The following PDE11A variants were observed in gnomAD, a reference collection of about 807,000 sequenced individuals.
PDE11A encodes the protein phosphodiesterase 11A.
PDE11A carries 100 observed loss-of-function variants against 100.5 expected under a neutral mutation model. The observed-to-expected ratio is 1.00, with a 90% CI of 0.85 to 1.18. The LOEUF (loss-of-function observed/expected upper bound fraction) is 1.18. PDE11A is among the 50% of genes most tolerant of loss of function. The pLI, the probability that PDE11A is intolerant of heterozygous loss-of-function variation, is 0.00. For synonymous variants in PDE11A, 381 were observed against 420.8 expected, an observed-to-expected ratio of 0.91 and a Z score of 1.16; for missense variants, 1,141 against 1,152.6, an observed-to-expected ratio of 0.99 and a Z score of 0.15.
intron 9 of PDE11A, among the ~76,000 whole-genome samples, chr2:177,794,579 C>G (rs1412388793): frequency 6.6e-6 from 1 of 151,990 alleles, no homozygotes. Context: ...ATAAAGGCAG[C>G]TTTCCCCTCA....
At chr2:177,957,085 A>C (rs1326656915) in intron 2 of PDE11A, among the ~76,000 whole-genome samples, 1 of 151,914 alleles carries the variant, frequency 6.6e-6, no homozygotes, top group African/African-American at 2.4e-5. Context: ...AAGAGCAAAA[A>C]AACAAAAAAA....
intron 9 of PDE11A, among the ~76,000 whole-genome samples, chr2:177,806,840 A>G (rs1464217271): frequency 6.6e-6 from 1 of 152,118 alleles, no homozygotes; most frequent in Non-Finnish European, 1.5e-5. Flanking sequence ...AACAGTTGGT[A>G]AGTTTCTGCA....
chr2:177,819,868 T>TCTCTCTCTCTCTCTCTC (rs60332687), intron 7 of PDE11A, among the ~76,000 whole-genome samples: 7 of 139,184 alleles, frequency 5.0e-5, no homozygotes, highest in African/African-American at 1.4e-4. Context: ...CTTTCTCTCT[T>TCTCTCTCTCTCTCTCTC]TCTCTCTCTC....
At chr2:177,953,301 T>G (rs181534449) in intron 2 of PDE11A, 1 of 152,070 alleles carries the variant, frequency 6.6e-6, no homozygotes, top group Non-Finnish European at 1.5e-5. Context: ...AAAAAGCCAA[T>G]GTAAAGATTA....
intron 12 of PDE11A, among the ~76,000 whole-genome samples, chr2:177,721,710 C>T (rs1441758820): frequency 6.6e-6 from 1 of 151,954 alleles, no homozygotes; most frequent in East Asian, 1.9e-4. Flanking sequence ...CAGTGAACTG[C>T]ATATAATATA....
chr2:177,768,953 G>A (rs527663748), intron 10 of PDE11A, among the ~76,000 whole-genome samples: 4 of 152,250 alleles, frequency 2.6e-5, no homozygotes, highest in Non-Finnish European at 4.4e-5. Flanking sequence ...TCCCAATCTC[G>A]TCACATATTT....
intron 19 of PDE11A, among the ~76,000 whole-genome samples, chr2:177,653,606 A>G (rs1559127574): frequency 6.6e-6 from 1 of 152,180 alleles, no homozygotes; most frequent in Non-Finnish European, 1.5e-5. Context: ...TTGTGTCTTT[A>G]TAAGAAGGTC....
intron 6 of PDE11A, among the ~76,000 whole-genome samples, chr2:177,830,601 A>AAATAATAATAATAATAAT (rs56365605): frequency 7.1e-6 from 1 of 140,032 alleles, no homozygotes; most frequent in African/African-American, 2.7e-5. Flanking sequence ...ACTCCATCTC[A>AAATAATAATAATAATAAT]AATAATAATA....
chr2:177,655,420 C>T (rs1057374687), intron 19 of PDE11A, among the ~76,000 whole-genome samples: 2 of 152,154 alleles, frequency 1.3e-5, no homozygotes, highest in African/African-American at 4.8e-5. Flanking sequence ...GATGCCTTCA[C>T]CTGCCAATTA....
intron 2 of PDE11A, among the ~76,000 whole-genome samples, chr2:178,087,663 C>G (rs1206115725): frequency 6.6e-6 from 1 of 152,146 alleles, no homozygotes; most frequent in Non-Finnish European, 1.5e-5. Flanking sequence ...TACCCTAAAG[C>G]TCTGACTTCA....
intron 3 of PDE11A, among the ~76,000 whole-genome samples, chr2:177,902,397 T>C (rs1346653281): frequency 2.0e-5 from 3 of 152,200 alleles, no homozygotes; most frequent in Admixed American, 1.3e-4. Context: ...ATAAACAGCC[T>C]TGTTGCTCAC....
chr2:177,645,951 CCTT>C (rs2080218908), intron 19 of PDE11A, among the ~76,000 whole-genome samples: 2 of 152,284 alleles, frequency 1.3e-5, no homozygotes, highest in South Asian at 2.1e-4. Context: ...AGTTTTATCT[CCTT>C]CTTTCTTTTC....
At chr2:177,987,422 T>C (rs1330006379) in intron 2 of PDE11A, among the ~76,000 whole-genome samples, 1 of 152,228 alleles carries the variant, frequency 6.6e-6, no homozygotes, top group African/African-American at 2.4e-5. Context: ...AGGGACGTTC[T>C]TATTGAAATG....
intron 3 of PDE11A, among the ~76,000 whole-genome samples, chr2:177,899,837 T>A (rs1260676847): frequency 6.6e-6 from 1 of 151,056 alleles, no homozygotes; most frequent in African/African-American, 2.4e-5. Context: ...GAGGAAATAC[T>A]GCTTTATCCC....
At chr2:177,996,091 G>T (rs1403086023) in intron 2 of PDE11A, among the ~76,000 whole-genome samples, 1 of 152,070 alleles carries the variant, frequency 6.6e-6, no homozygotes, top group African/African-American at 2.4e-5. Flanking sequence ...GCTGGGTGTG[G>T]TGGTGGGTGC....
intron 2 of PDE11A, among the ~76,000 whole-genome samples, chr2:177,992,132 A>G (rs971428439): frequency 2.6e-5 from 4 of 151,332 alleles, no homozygotes; most frequent in Admixed American, 6.6e-5. Context: ...GACAGTAGAG[A>G]TAAAAATAGC....
chr2:177,754,294 G>A (rs1176640737), intron 10 of PDE11A, among the ~76,000 whole-genome samples: 3 of 152,080 alleles, frequency 2.0e-5, no homozygotes, highest in Admixed American at 2.0e-4. Flanking sequence ...ATCTCCCTGA[G>A]TCTACATTCA....
At chr2:178,062,337 A>G (rs2086982879) in intron 1 of PDE11A, among the ~76,000 whole-genome samples, 1 of 99,724 alleles carries the variant, frequency 1.0e-5, no homozygotes, top group South Asian at 2.8e-4. Flanking sequence ...CTGAAGACAG[A>G]AAAAAAAAAA....
At chr2:178,096,659 A>G (rs2087495963) in intron 2 of PDE11A, among the ~76,000 whole-genome samples, 4 of 152,220 alleles carry the variant, frequency 2.6e-5, no homozygotes, top group African/African-American at 9.6e-5. Context: ...TTGCTAACGC[A>G]TAGCAACAGT....
Sources: allele counts gnomAD v4.1 joint callset (sites outside exome capture counted in the v4.1 genomes callset), GRCh38; gene constraint gnomAD v4.1.1; transcripts MANE v1.5; gene names NCBI Gene and HGNC (gene_info 2026-07-23, HGNC 2026-07-21).